Variants in CPXM2 observed in about 807,000 individuals in gnomAD.
CPXM2 encodes carboxypeptidase X, M14 family member 2, also known as inactive carboxypeptidase-like protein X2.
CPXM2 carries 66 observed loss-of-function variants against 86.1 expected under a neutral mutation model. That is an observed-to-expected ratio of 0.77 (90% CI 0.63 to 0.94). The LOEUF is 0.94. Among genes scored for constraint, CPXM2 ranks in the 40% least tolerant of loss-of-function variants. The pLI, the probability that CPXM2 is intolerant of heterozygous loss-of-function variation, is 0.00. For synonymous variants in CPXM2, 388 were observed against 400.2 expected (o/e 0.97, Z 0.36); for missense variants, 948 against 1,026.3 (o/e 0.92, Z 1.04).
At chr10:123,833,780 C>T (rs1484167742) in intron 4 of CPXM2, among the ~76,000 whole-genome samples, 2 of 152,136 alleles carry the variant, frequency 1.3e-5, no homozygotes, top group Non-Finnish European at 2.9e-5. Context: ...ATCAGAGAAC[C>T]GAGGATGTGG....
chr10:123,811,497 T>G (rs1201780571), intron 4 of CPXM2, among the ~76,000 whole-genome samples: 1 of 152,128 alleles, frequency 6.6e-6, no homozygotes, highest in African/African-American at 2.4e-5. Flanking sequence ...AAAACCTGAA[T>G]AACAAATAGA....
chr10:123,751,508 G>T (rs1846076526), intron 13 of CPXM2: 1 of 985,232 alleles, frequency 1.0e-6, no homozygotes, highest in South Asian at 4.7e-5. Context: ...TGGGCAGAAG[G>T]GGCAACTCAG....
At chr10:123,933,633 G>A (rs936968831) in intron 2 of CPXM2, among the ~76,000 whole-genome samples, 1 of 152,018 alleles carries the variant, frequency 6.6e-6, no homozygotes, top group Admixed American at 6.6e-5. Flanking sequence ...CAGGAGATTC[G>A]CTTGAACCCG....
chr10:123,883,467 A>G (rs968732745), intron 1 of CPXM2, among the ~76,000 whole-genome samples: 2 of 152,238 alleles, frequency 1.3e-5, no homozygotes, highest in African/African-American at 4.8e-5. Context: ...AATACCTGCC[A>G]CGGTGGAAGT....
chr10:123,924,805 A>G (rs1354218738), intron 2 of CPXM2, among the ~76,000 whole-genome samples: 1 of 152,102 alleles, frequency 6.6e-6, no homozygotes, highest in Admixed American at 6.5e-5. Flanking sequence ...ATCTCATTAG[A>G]ACAAAGCATG....
intron 4 of CPXM2, among the ~76,000 whole-genome samples, chr10:123,802,398 C>T (rs1259581829): frequency 6.6e-6 from 1 of 152,186 alleles, no homozygotes; most frequent in Non-Finnish European, 1.5e-5. Context: ...GTCCTCTTGT[C>T]CTAGGTTTAT....
chr10:123,878,727 T>C (rs866102942), intron 2 of CPXM2, among the ~76,000 whole-genome samples: 2 of 152,112 alleles, frequency 1.3e-5, no homozygotes, highest in South Asian at 4.1e-4. Flanking sequence ...GAAATACGTT[T>C]ATTTCTTCAC....
chr10:123,856,819 T>C (rs964496302), intron 3 of CPXM2, among the ~76,000 whole-genome samples: 10 of 152,210 alleles, frequency 6.6e-5, no homozygotes, highest in African/African-American at 2.4e-4. Flanking sequence ...CTTGAATTCC[T>C]GACCTCAGGT....
intron 4 of CPXM2, among the ~76,000 whole-genome samples, chr10:123,834,016 A>G (rs1848224410): frequency 6.6e-6 from 1 of 152,188 alleles, no homozygotes; most frequent in Non-Finnish European, 1.5e-5. Context: ...CTGCTATTAC[A>G]TCTCCATCTT....
intron 13 of CPXM2, chr10:123,751,424 A>C: frequency 1.2e-6 from 1 of 836,354 alleles, no homozygotes; most frequent in Non-Finnish European, 1.4e-6. Flanking sequence ...GTTTTGCAAA[A>C]CGTCCTGACC....
intron 9 of CPXM2, 111 bp from the exon 10 acceptor site, chr10:123,767,263 C>CT: frequency 2.1e-6 from 2 of 936,492 alleles, no homozygotes; most frequent in African/African-American, 3.3e-5. Flanking sequence ...CTCTAAGCCT[C>CT]TAGATGCCCT....
chr10:123,886,028 T>C (rs1019865258), intron 1 of CPXM2, among the ~76,000 whole-genome samples: 2 of 152,222 alleles, frequency 1.3e-5, no homozygotes, highest in Non-Finnish European at 2.9e-5. Context: ...CCAGCATTAA[T>C]AGTTGACTTT....
intron 1 of CPXM2, among the ~76,000 whole-genome samples, chr10:123,888,467 T>A (rs1945214124): frequency 1.3e-5 from 2 of 152,238 alleles, no homozygotes; most frequent in African/African-American, 4.8e-5. Flanking sequence ...CACAGTCCAA[T>A]GTTCCTTCCT....
chr10:123,822,549 A>C (rs1436191663), intron 4 of CPXM2, among the ~76,000 whole-genome samples: 2 of 152,052 alleles, frequency 1.3e-5, no homozygotes, highest in Admixed American at 6.6e-5. Context: ...GGCTAGCTTA[A>C]TCTAGGGCGA....
chr10:123,853,159 G>A (rs1326101107), intron 3 of CPXM2, among the ~76,000 whole-genome samples: 2 of 152,068 alleles, frequency 1.3e-5, no homozygotes, highest in South Asian at 4.2e-4. Flanking sequence ...CTCCTGCTAG[G>A]GGCATGTAAG....
At chr10:123,943,488 T>C (rs1218964687), upstream of CPXM2, among the ~76,000 whole-genome samples, 2 of 152,090 alleles carry the variant, frequency 1.3e-5, no homozygotes, top group Non-Finnish European at 2.9e-5. Context: ...CGTGCAGGGT[T>C]TGGGTGAGCA....
chr10:123,934,796 C>T (rs577353753), intron 2 of CPXM2, among the ~76,000 whole-genome samples: 2 of 152,182 alleles, frequency 1.3e-5, no homozygotes, highest in Non-Finnish European at 2.9e-5. Context: ...CTCCAGCCAT[C>T]TTTCTGCTTT....
chr10:123,863,362 A>C (rs970894231), intron 2 of CPXM2, among the ~76,000 whole-genome samples: 2 of 152,212 alleles, frequency 1.3e-5, no homozygotes, highest in Non-Finnish European at 2.9e-5. Flanking sequence ...GGGTGCACAC[A>C]GTGAGTGTGA....
intron 3 of CPXM2, among the ~76,000 whole-genome samples, chr10:123,854,145 A>G (rs555680697): frequency 2.0e-5 from 3 of 151,090 alleles, no homozygotes; most frequent in Non-Finnish European, 4.4e-5. Flanking sequence ...CCCATGAGGC[A>G]TCACTGGAGA....
Sources: gnomAD v4.1 joint callset for allele counts (sites outside exome capture counted in the v4.1 genomes callset) on GRCh38, gnomAD v4.1.1 for gene constraint, MANE v1.5 for transcripts, NCBI Gene and HGNC (gene_info 2026-07-23, HGNC 2026-07-21) for gene names.